Variants in SGCD observed in about 807,000 individuals in gnomAD.
SGCD encodes sarcoglycan delta.
In SGCD, 18 loss-of-function variants were observed where a neutral mutation model predicts 36.6. The observed-to-expected ratio is 0.49, with a 90% CI of 0.34 to 0.73. The LOEUF is 0.73. Ranked by LOEUF, SGCD falls within the 30% of genes least tolerant of loss-of-function variation. The probability of loss-of-function intolerance (pLI) is 0.01; values close to 1 mark genes in which losing one functional copy is unlikely to be tolerated. For synonymous variants in SGCD, 133 were observed against 130.6 expected (o/e 1.02, Z -0.12); for missense variants, 387 against 346.7 (o/e 1.12, Z -0.92).
At chr5:156,743,440 C>CTTTG (rs1756791921) in intron 7 of SGCD, among the ~76,000 whole-genome samples, 3 of 152,158 alleles carry the variant, frequency 2.0e-5, no homozygotes, top group South Asian at 4.1e-4. Flanking sequence ...ACATTATCTA[C>CTTTG]TTTGTTTAAA....
At chr5:156,496,642 A>G (rs1334026172) in intron 3 of SGCD, among the ~76,000 whole-genome samples, 1 of 152,202 alleles carries the variant, frequency 6.6e-6, no homozygotes, top group East Asian at 1.9e-4. Flanking sequence ...ATTGCTGTGT[A>G]GACAAAGAAA....
chr5:156,355,274 T>C (rs115983070), intron 3 of SGCD, among the ~76,000 whole-genome samples: 2 of 152,218 alleles, frequency 1.3e-5, no homozygotes, highest in Non-Finnish European at 2.9e-5. Flanking sequence ...CCAGGCACTT[T>C]CCAAGACCCA....
chr5:155,941,325 A>T (rs1581002916), intron 1 of SGCD, among the ~76,000 whole-genome samples: 1 of 152,170 alleles, frequency 6.6e-6, no homozygotes, highest in East Asian at 1.9e-4. Context: ...GATACATTTA[A>T]ACTATAGCAA....
intron 1 of SGCD, among the ~76,000 whole-genome samples, chr5:155,907,762 A>T (rs1049980057): frequency 2.0e-5 from 3 of 152,174 alleles, no homozygotes; most frequent in Non-Finnish European, 2.9e-5. Flanking sequence ...TGAGGATGCT[A>T]TGAACATTTT....
intron 3 of SGCD, among the ~76,000 whole-genome samples, chr5:156,459,227 T>C (rs1186643764): frequency 6.6e-6 from 1 of 152,178 alleles, no homozygotes; most frequent in Non-Finnish European, 1.5e-5. Flanking sequence ...CTTACACTAT[T>C]CTGAGTGCTG....
intron 1 of SGCD, among the ~76,000 whole-genome samples, chr5:155,927,104 T>G (rs774358957): frequency 1.3e-5 from 2 of 152,220 alleles, no homozygotes; most frequent in South Asian, 4.1e-4. Context: ...TTCAAACATA[T>G]AAGTGCTTTG....
chr5:156,341,910 C>T (rs558681180), intron 2 of SGCD, among the ~76,000 whole-genome samples: 1 of 152,258 alleles, frequency 6.6e-6, no homozygotes, highest in East Asian at 1.9e-4. Flanking sequence ...TGGAGTTTTA[C>T]CATGTTGGCC....
At chr5:156,708,131 G>C (rs1310643835) in intron 7 of SGCD, among the ~76,000 whole-genome samples, 1 of 152,076 alleles carries the variant, frequency 6.6e-6, no homozygotes, top group Non-Finnish European at 1.5e-5. Context: ...TGAAATCAGA[G>C]CCTTTTGGTA....
intron 1 of SGCD, among the ~76,000 whole-genome samples, chr5:156,001,230 A>G (rs1487801805): frequency 6.6e-6 from 1 of 152,186 alleles, no homozygotes; most frequent in African/African-American, 2.4e-5. Flanking sequence ...CTGCATTTAG[A>G]TCTGAAACAG....
At chr5:156,043,772 A>G (rs1191117030) in intron 1 of SGCD, among the ~76,000 whole-genome samples, 1 of 152,198 alleles carries the variant, frequency 6.6e-6, no homozygotes, top group Non-Finnish European at 1.5e-5. Flanking sequence ...ACACTCTTTA[A>G]AAAAGGAATT....
chr5:155,914,263 C>A (rs985742447), intron 1 of SGCD, among the ~76,000 whole-genome samples: 6 of 152,086 alleles, frequency 3.9e-5, no homozygotes, highest in Non-Finnish European at 8.8e-5. Context: ...ACAAATGGGA[C>A]CATATACTAT....
At chr5:156,324,959 G>A (rs568335574), upstream of SGCD, among the ~76,000 whole-genome samples, 13 of 152,188 alleles carry the variant, frequency 8.5e-5, no homozygotes, top group African/African-American at 2.9e-4. Context: ...TTAGGACGTT[G>A]CCATTTCCAA....
chr5:156,145,126 A>C (rs1184311392), intron 3 of SGCD, among the ~76,000 whole-genome samples: 1 of 152,160 alleles, frequency 6.6e-6, no homozygotes, highest in African/African-American at 2.4e-5. Flanking sequence ...TGATTGAGTC[A>C]TGGGGGTGGA....
chr5:155,886,506 G>A (rs186878824), intron 1 of SGCD, among the ~76,000 whole-genome samples: 41 of 151,196 alleles, frequency 2.7e-4, no homozygotes, highest in Admixed American at 7.2e-4. Context: ...GCGCACGCGC[G>A]CGTGCGTGTG....
chr5:156,004,216 C>A (rs906999098), intron 1 of SGCD, among the ~76,000 whole-genome samples: 11 of 152,064 alleles, frequency 7.2e-5, no homozygotes, highest in African/African-American at 2.7e-4. Flanking sequence ...TAAAAATATA[C>A]AAATATGTAT....
the SGCD span, among the ~76,000 whole-genome samples, chr5:155,855,925 G>A: frequency 6.6e-6 from 1 of 152,038 alleles, no homozygotes; most frequent in East Asian, 1.9e-4. Context: ...TATTCCATAT[G>A]TTAAGGAAAC....
At chr5:156,747,963 A>C (rs138313630) in intron 7 of SGCD, among the ~76,000 whole-genome samples, 3 of 152,238 alleles carry the variant, frequency 2.0e-5, no homozygotes, top group Admixed American at 6.5e-5. Context: ...TTTCTACAAA[A>C]TAGCCACAAA....
chr5:155,775,200 G>C, the SGCD span, among the ~76,000 whole-genome samples: 2 of 152,110 alleles, frequency 1.3e-5, no homozygotes, highest in Non-Finnish European at 2.9e-5. Flanking sequence ...ATGATGTCCT[G>C]TGATGTCTTT....
At chr5:156,483,482 A>G (rs1278370994) in intron 3 of SGCD, among the ~76,000 whole-genome samples, 1 of 152,150 alleles carries the variant, frequency 6.6e-6, no homozygotes, top group East Asian at 1.9e-4. Context: ...ATGCTTACTG[A>G]CTTCTGCTAC....
Sources: gnomAD v4.1 joint callset for allele counts (sites outside exome capture counted in the v4.1 genomes callset) on GRCh38, gnomAD v4.1.1 for gene constraint, MANE v1.5 for transcripts, NCBI Gene and HGNC (gene_info 2026-07-23, HGNC 2026-07-21) for gene names.